Variants in BUB1 observed in about 807,000 individuals in gnomAD.
BUB1 encodes the protein mitotic checkpoint serine/threonine-protein kinase BUB1.
Under a neutral mutation model 135.2 loss-of-function variants are expected in BUB1, and 84 were observed. The ratio of observed to expected loss-of-function variants is 0.62; its 90% CI spans 0.52 to 0.74. BUB1 has a LOEUF of 0.74. BUB1 is among the 30% of genes least tolerant of loss of function. The pLI is 0.00. For missense variants in BUB1, 1,162 were observed against 1,288.3 expected (o/e 0.90, Z 1.50); for synonymous variants, 403 against 434.4 (o/e 0.93, Z 0.90).
intron 9 of BUB1, chr2:110,665,994 C>T (rs1203007318): frequency 3.3e-6 from 1 of 299,330 alleles, no homozygotes; most frequent in Non-Finnish European, 6.0e-6. Context: ...AGTCACTGTA[C>T]AAAAACCAGA....
chr2:110,670,126 GTTTTTT>G (rs377459142), intron 5 of BUB1, among the ~76,000 whole-genome samples: 3 of 120,860 alleles, frequency 2.5e-5, no homozygotes, highest in Non-Finnish European at 5.2e-5. Context: ...AATTGGATGG[GTTTTTT>G]TTTTTTTTTT....
At chr2:110,653,676 GA>G in intron 16 of BUB1, among the ~76,000 whole-genome samples, 153 bp from the exon 17 acceptor site, 1 of 152,136 alleles carries the variant, frequency 6.6e-6, no homozygotes, top group Non-Finnish European at 1.5e-5. Flanking sequence ...TGTATAATAA[GA>G]TTAAAAAAAT....
At chr2:110,664,289 T>A (rs1690182973) in intron 9 of BUB1, among the ~76,000 whole-genome samples, 2 of 152,044 alleles carry the variant, frequency 1.3e-5, no homozygotes, top group Admixed American at 1.3e-4. Flanking sequence ...ACCAGATACA[T>A]CACTATGTCA....
At position 110,655,721 on chromosome 2, in the gene BUB1, A is replaced by C; in HGVS notation, c.1876+18T>G. ...CAAAGTTGGCAGAAGACAGACACTA[A>C]AACAGTGTAACACACACCTTTATCT... On this transcript the variant is annotated intron_variant, in intron 16 of 24. Transcript: ENST00000302759. The C allele has an allele frequency of 1.3e-6, 2 of 1,575,736 alleles. No homozygotes were observed. Among genetic ancestry groups the C allele is most frequent in the Non-Finnish European group, 1.7e-6 (2 of 1,153,296 alleles).
rs1801328 is a variant in BUB1, at chr2:110,674,203, C to T, written c.108G>A (p.Glu36=). The T allele has an allele frequency of 6.2e-7, 1 of 1,605,626 alleles. No individual in the cohort carries two copies. Among genetic ancestry groups the T allele is most frequent in the African/African-American group, 1.3e-5 (1 of 74,554 alleles). ...AGTATTCTTTATTCTCAGGAAAATT[C>T]TCTTCTACCCACTGTATGTATCTAG... is the stretch of plus-strand genomic sequence containing the variant. ...EWERYIQWVE[E]NFPENKEYLI... Residue 36 remains glutamate (E), a synonymous_variant, in exon 3 of 25, where the codon GAG becomes GAA. Coordinates refer to ENST00000302759, the MANE Select transcript of BUB1 (RefSeq NM_004336.5).
At chr2:110,647,385 A>G (rs1159931554) in intron 19 of BUB1, among the ~76,000 whole-genome samples, 3 of 152,236 alleles carry the variant, frequency 2.0e-5, no homozygotes, top group Non-Finnish European at 2.9e-5. Context: ...ATTATACACT[A>G]TAACAACCAA....
chr2:110,642,330 AT>A, intron 19 of BUB1, 96 bp from the exon 20 acceptor site: 1 of 726,676 alleles, frequency 1.4e-6, no homozygotes, highest in South Asian at 2.1e-5. Context: ...AGTTTTCTGT[AT>A]ACTTCGCATC....
rs1690641272 is a variant in BUB1, at chr2:110,678,003, G to A, written c.-8C>T. On this transcript the variant is annotated 5_prime_UTR_variant, in exon 1 of 25. Coordinates refer to ENST00000302759, the MANE Select transcript of BUB1 (RefSeq NM_004336.5). Reference sequence around the variant, plus strand: ...ATTTTCCGGGGTGTCCATGGCCAGAGGACGCTGGCCGGCAGCGGCCAAACC... The same window carrying A: ...ATTTTCCGGGGTGTCCATGGCCAGAAGACGCTGGCCGGCAGCGGCCAAACC... 2 of 1,606,122 alleles carry A rather than the reference G, an allele frequency of 1.2e-6. No homozygotes were observed. Among genetic ancestry groups the A allele is most frequent in the Non-Finnish European group, 1.7e-6 (2 of 1,176,966 alleles).
At chr2:110,656,882 T>G (rs1284514644) in intron 15 of BUB1, among the ~76,000 whole-genome samples, 154 bp downstream of exon 15, 1 of 152,222 alleles carries the variant, frequency 6.6e-6, no homozygotes, top group Non-Finnish European at 1.5e-5. Context: ...GAATAATTAT[T>G]AAATAATGTC....
intron 9 of BUB1, chr2:110,665,985 G>A: frequency 3.5e-6 from 1 of 282,582 alleles, no homozygotes; most frequent in Non-Finnish European, 6.5e-6. Context: ...TTACACAATA[G>A]TCACTGTACA....
intron 9 of BUB1, 112 bp downstream of exon 9, chr2:110,666,151 T>C: frequency 9.2e-7 from 1 of 1,087,648 alleles, no homozygotes; most frequent in Non-Finnish European, 1.2e-6. Flanking sequence ...TTCAGAAAGT[T>C]ACTAGCTAAA....
intron 5 of BUB1, 27 bp from the exon 6 acceptor site, chr2:110,669,580 G>C: frequency 6.9e-7 from 1 of 1,450,538 alleles, no homozygotes; most frequent in Non-Finnish European, 9.7e-7. Flanking sequence ...GATAAAATAC[G>C]GAGAAATTAA....
rs746830746 is a variant in BUB1, at chr2:110,658,687, T to C, written c.1332A>G (p.Thr444=). The change falls in exon 12 of 25, where the codon ACA becomes ACG. Residue 444 remains threonine, a synonymous_variant. Coordinates refer to ENST00000302759, the MANE Select transcript of BUB1 (RefSeq NM_004336.5). ...GCGTTGCCTGAACCATTCCCAGTGA[T>C]GTGTTTGGAGTTGTGTGAAAAGAAC... is the stretch of plus-strand genomic sequence containing the variant. ...NTSSFHTTPN[T]SLGMVQATPS... 6 of 1,614,230 alleles carry C rather than the reference T, an allele frequency of 3.7e-6. No individual in the cohort carries two copies. The South Asian group carries it at 6.6e-5, about 18-fold the overall frequency.
intron 9 of BUB1, among the ~76,000 whole-genome samples, chr2:110,664,358 AAGAACCAACAATC>A (rs1441841844): frequency 6.6e-6 from 1 of 152,164 alleles, no homozygotes; most frequent in Non-Finnish European, 1.5e-5. Context: ...CATCACATCA[AAGAACCAACAATC>A]AGAAGGACTC....
chr2:110,661,975 CCTT>C (rs2104543797), intron 9 of BUB1, 134 bp from the exon 10 acceptor site: 9 of 1,050,768 alleles, frequency 8.6e-6, no homozygotes, highest in East Asian at 2.5e-5. Flanking sequence ...TCCCCATACT[CCTT>C]CTTCAAGCAT....
At chr2:110,643,672 C>A (rs1483558471) in intron 19 of BUB1, among the ~76,000 whole-genome samples, 1 of 152,104 alleles carries the variant, frequency 6.6e-6, no homozygotes, top group Non-Finnish European at 1.5e-5. Context: ...TAGGTTCTCA[C>A]TCTGTCACCC....
intron 9 of BUB1, among the ~76,000 whole-genome samples, chr2:110,665,548 TA>T (rs750197290): frequency 3.7e-4 from 53 of 143,074 alleles, no homozygotes; most frequent in South Asian, 2.4e-3. Flanking sequence ...GTCTAAAAAT[TA>T]AAAAAAAAAG....
chr2:110,666,361 G>T lies in BUB1; in HGVS notation c.859C>A (p.Gln287Lys). The change falls in exon 9 of 25, where the codon CAG becomes AAG. Residue 287 changes from glutamine (Q) to lysine (K), a missense_variant. Gln to Lys is a moderately conservative substitution (Grantham distance 53). Transcript: ENST00000302759. Reference sequence around the variant, plus strand: ...TCATCCATTTTCTGTTTTAATAGCTGTTCTTCAAAAGCATTTGCTTCTTTC... The same window carrying T: ...TCATCCATTTTCTGTTTTAATAGCTTTTCTTCAAAAGCATTTGCTTCTTTC... ...KRKEANAFEE[Q>K]LLKQKMDELH... 6.5e-7 allele frequency: 1 copy of T among 1,538,264 alleles called. No homozygotes were observed. The highest frequency in any genetic ancestry group is 8.8e-7 in the Non-Finnish European group (1 of 1,140,708).
chr2:110,655,795 G>A lies in BUB1; in HGVS notation c.1820C>T (p.Ala607Val), dbSNP rs780060793. The A allele has an allele frequency of 7.4e-6, 12 of 1,613,744 alleles. No individual in the cohort carries two copies. The Admixed American group carries it at 8.3e-5, about 11-fold the overall frequency. ...PGDFTSAAQLASTPFHKLPVE... is the reference protein window; with the variant it reads ...PGDFTSAAQLVSTPFHKLPVE... ...TGGAAGCTTGTGGAATGGTGTAGACGCAAGTTGTGCAGCAGATGTGAAGTC... is the reference window on the plus strand; with the variant it reads ...TGGAAGCTTGTGGAATGGTGTAGACACAAGTTGTGCAGCAGATGTGAAGTC... Residue 607 changes from alanine to valine, a missense_variant, in exon 16 of 25, where the codon GCG becomes GTG. Transcript: ENST00000302759.
Sources: gnomAD v4.1 joint callset for allele counts (sites outside exome capture counted in the v4.1 genomes callset) on GRCh38, gnomAD v4.1.1 for gene constraint, MANE v1.5 for transcripts, NCBI Gene and HGNC (gene_info 2026-07-23, HGNC 2026-07-21) for gene names.